The following PSD3 variants were observed in gnomAD, a reference collection of about 807,000 sequenced individuals.
The protein encoded by PSD3 is pleckstrin and Sec7 domain containing 3, also known as PH and SEC7 domain-containing protein 3.
In PSD3, 49 loss-of-function variants were observed where a neutral mutation model predicts 105.5. The observed-to-expected ratio is 0.46, with a 90% CI of 0.37 to 0.59. The LOEUF is 0.59. PSD3 is among the 20% of genes least tolerant of loss of function. PSD3 has a pLI of 0.00. For synonymous variants in PSD3, 557 were observed against 457.8 expected, an observed-to-expected ratio of 1.22 and a Z score of -2.77; for missense variants, 1,561 against 1,263.8, an observed-to-expected ratio of 1.24 and a Z score of -3.57.
intron 15 of PSD3, among the ~76,000 whole-genome samples, chr8:18,546,547 GAATGT>G (rs1019178369): frequency 2.6e-5 from 4 of 152,092 alleles, no homozygotes; most frequent in Non-Finnish European, 5.9e-5. Flanking sequence ...ATGGAAAAAA[GAATGT>G]AAAATATTTT....
chr8:18,661,771 A>G (rs757745517), intron 9 of PSD3, among the ~76,000 whole-genome samples: 1 of 152,218 alleles, frequency 6.6e-6, no homozygotes. Context: ...CTTGACCACA[A>G]GAGAATTCAC....
intron 1 of PSD3, among the ~76,000 whole-genome samples, chr8:18,998,651 C>T (rs1001893494): frequency 6.6e-6 from 1 of 151,960 alleles, no homozygotes; most frequent in Non-Finnish European, 1.5e-5. Flanking sequence ...CTTGCCACTG[C>T]ACTCCAGCCC....
At chr8:18,835,330 A>G (rs1005576108) in intron 4 of PSD3, among the ~76,000 whole-genome samples, 3 of 152,240 alleles carry the variant, frequency 2.0e-5, no homozygotes, top group African/African-American at 4.8e-5. Flanking sequence ...CGCATTACTC[A>G]TCACCTTTTT....
intron 4 of PSD3, among the ~76,000 whole-genome samples, chr8:18,855,224 G>A (rs376866798): frequency 2.0e-5 from 3 of 152,150 alleles, no homozygotes; most frequent in African/African-American, 4.8e-5. Flanking sequence ...TTATACACTC[G>A]AAGAACATGT....
chr8:18,684,517 G>C (rs1441109986), intron 9 of PSD3, among the ~76,000 whole-genome samples: 1 of 152,168 alleles, frequency 6.6e-6, no homozygotes, highest in East Asian at 1.9e-4. Context: ...GTGAAACGAT[G>C]CGAGACACAA....
chr8:18,653,777 A>C (rs953807285), intron 10 of PSD3, among the ~76,000 whole-genome samples: 2 of 152,216 alleles, frequency 1.3e-5, no homozygotes, highest in Admixed American at 6.5e-5. Context: ...TAAAAAAAAA[A>C]ACCTAGATTT....
At chr8:18,769,580 A>G (rs2129444142) in intron 8 of PSD3, among the ~76,000 whole-genome samples, 1 of 152,318 alleles carries the variant, frequency 6.6e-6, no homozygotes, top group East Asian at 1.9e-4. Context: ...TACATTCAGA[A>G]CATTTACTCC....
In PSD3 at chr8:18,577,863, C is replaced by T. The variant is rs1563340720; in HGVS notation, c.2482-2578G>A. 2.0e-5 allele frequency among the ~76,000 whole-genome samples: 3 copies of T among 152,158 alleles called. No individual in the cohort carries two copies. In the South Asian group the frequency reaches 6.2e-4, roughly 32 times the overall value. On this transcript the variant is annotated intron_variant, in intron 12 of 15. Coordinates refer to ENST00000327040, the MANE Select transcript of PSD3 (RefSeq NM_015310.4). ...ACTGCATCTATGTTTCCTCGCTCAC[C>T]TGCTTCTTTCTTTTTTCCATCTTGA...
upstream of PSD3, among the ~76,000 whole-genome samples, chr8:19,017,718 A>G (rs1262208938): frequency 6.6e-6 from 1 of 152,198 alleles, no homozygotes; most frequent in Non-Finnish European, 1.5e-5. Flanking sequence ...ATGCTCATCC[A>G]TATTGTAGCA....
chr8:18,721,708 G>A (rs1244024673), intron 9 of PSD3, among the ~76,000 whole-genome samples: 1 of 152,108 alleles, frequency 6.6e-6, no homozygotes, highest in Admixed American at 6.6e-5. Context: ...ATTAACACAG[G>A]GCAAGAGGGA....
In PSD3 at chr8:18,992,780, G is replaced by A. The variant is rs1406615025; in HGVS notation, c.21+20783C>T. ...TAGTGGACTTGAAGTCAACACCTGA[G>A]TACTTGTCCAACTTTGTCCTTAATT... On this transcript the variant is annotated intron_variant, in intron 1 of 15. Coordinates refer to ENST00000327040, the MANE Select transcript of PSD3 (RefSeq NM_015310.4). 2.7e-5 allele frequency among the ~76,000 whole-genome samples: 4 copies of A among 150,276 alleles called. No individual in the cohort carries two copies. In the Admixed American group the frequency reaches 2.7e-4, roughly 10 times the overall value.
intron 4 of PSD3, among the ~76,000 whole-genome samples, chr8:18,820,631 G>C (rs1210416462): frequency 6.6e-6 from 1 of 150,912 alleles, no homozygotes; most frequent in African/African-American, 2.4e-5. Flanking sequence ...AACATTCTCA[G>C]TAGAGATGCA....
chr8:18,861,766 T>C (rs1816471119), intron 4 of PSD3, among the ~76,000 whole-genome samples: 1 of 152,164 alleles, frequency 6.6e-6, no homozygotes, highest in Non-Finnish European at 1.5e-5. Context: ...AGGTTTAAAA[T>C]AAATATCCAC....
At chr8:18,586,092 G>C (rs1411698685) in intron 12 of PSD3, among the ~76,000 whole-genome samples, 1 of 152,250 alleles carries the variant, frequency 6.6e-6, no homozygotes, top group East Asian at 1.9e-4. Context: ...ATGTGTTCAG[G>C]AGGCATGCAA....
chr8:18,899,101 C>T (rs1057294285), intron 2 of PSD3, among the ~76,000 whole-genome samples: 2 of 152,130 alleles, frequency 1.3e-5, no homozygotes, highest in Admixed American at 1.3e-4. Flanking sequence ...CAGATTATCT[C>T]ATGTCAATTT....
intron 1 of PSD3, among the ~76,000 whole-genome samples, chr8:18,951,973 AAAG>A (rs1823266384): frequency 6.6e-6 from 1 of 152,178 alleles, no homozygotes; most frequent in Non-Finnish European, 1.5e-5. Flanking sequence ...CTGTCTCAAA[AAAG>A]AAAAACAAAC....
intron 4 of PSD3, among the ~76,000 whole-genome samples, chr8:18,806,769 G>A (rs1811243833): frequency 6.6e-6 from 1 of 152,084 alleles, no homozygotes; most frequent in Non-Finnish European, 1.5e-5. Flanking sequence ...TCTTTAACTT[G>A]GCTTGCATTA....
At chr8:18,843,020 T>C (rs1320596699) in intron 4 of PSD3, among the ~76,000 whole-genome samples, 1 of 152,200 alleles carries the variant, frequency 6.6e-6, no homozygotes, top group East Asian at 1.9e-4. Flanking sequence ...ACAGTCAATA[T>C]GCCACTCAAA....
chr8:18,871,827 G>C lies in PSD3; in HGVS notation c.1037C>G (p.Ser346Ter). The change falls in exon 3 of 16, where the codon TCA becomes TGA. Residue 346 changes from serine to a stop codon, truncating the protein, a stop_gained. Transcript: ENST00000327040. LOFTEE classifies it high-confidence loss of function. ...ESSKVPRHLI[S>*]SAGLCNSSSL... ...ACTTGAATTACACAAACCAGCTGAT[G>C]AGATGAGATGGCGTGGCACTTTGGA... 1 of 1,614,198 alleles carries C rather than the reference G, an allele frequency of 6.2e-7. No individual in the cohort carries two copies.
Sources: gnomAD v4.1 joint callset for allele counts (sites outside exome capture counted in the v4.1 genomes callset) on GRCh38, gnomAD v4.1.1 for gene constraint, MANE v1.5 for transcripts, NCBI Gene and HGNC (gene_info 2026-07-23, HGNC 2026-07-21) for gene names.